The following MARK2 variants were observed in gnomAD, a reference collection of about 807,000 sequenced individuals.
The protein encoded by MARK2 is serine/threonine-protein kinase MARK2.
Under a neutral mutation model 89.8 loss-of-function variants are expected in MARK2, and 16 were observed. That is an observed-to-expected ratio of 0.18 (90% CI 0.12 to 0.27). The LOEUF (loss-of-function observed/expected upper bound fraction) is 0.27. MARK2 is among the 10% of genes least tolerant of loss of function. The pLI is 1.00. For missense variants in MARK2, 621 were observed against 1,049.9 expected (o/e 0.59, Z 5.65); for synonymous variants, 382 against 399.5 (o/e 0.96, Z 0.52).
intron 1 of MARK2, among the ~76,000 whole-genome samples, chr11:63,859,637 CTT>C (rs897753184): frequency 7.0e-6 from 1 of 142,786 alleles, no homozygotes. Flanking sequence ...TTCTATCTTT[CTT>C]TTTTTTTTTC....
In MARK2 at chr11:63,885,646, C is replaced by T. The variant is rs114419332; in HGVS notation, c.55-9513C>T. The stretch of plus-strand genomic sequence containing the variant: ...GGCCAGGTGTTCAAGACTAGCCTGG[C>T]CAAGGTGGTGAAACCCCATCTTACT... On this transcript the variant is annotated intron_variant, in intron 1 of 18. Coordinates refer to ENST00000402010, the MANE Select transcript of MARK2 (RefSeq NM_001039469.3). Among the ~76,000 whole-genome samples, 493 of 150,650 alleles carry T rather than the reference C, an allele frequency of 3.3e-3. 2 individuals carry two copies. The highest frequency in any genetic ancestry group is 0.012 in the African/African-American group (474 of 40,978).
At chr11:63,865,537 T>C (rs1209647686) in intron 1 of MARK2, among the ~76,000 whole-genome samples, 1 of 152,216 alleles carries the variant, frequency 6.6e-6, no homozygotes, top group East Asian at 1.9e-4. Flanking sequence ...TTCACTCAGG[T>C]GTTCTTTAAT....
intron 18 of MARK2, 47 bp from the exon 19 acceptor site, chr11:63,908,829 TG>T: frequency 7.2e-7 from 1 of 1,397,902 alleles, no homozygotes; most frequent in Non-Finnish European, 9.3e-7. Flanking sequence ...TCTCCTGGGG[TG>T]GGGTGCCTCA....
chr11:63,869,642 C>A (rs1450312221), intron 1 of MARK2, among the ~76,000 whole-genome samples: 1 of 152,128 alleles, frequency 6.6e-6, no homozygotes, highest in African/African-American at 2.4e-5. Context: ...CTGAGGTGTG[C>A]TACTGCTTAG....
Position 63,896,128 on chromosome 11 carries a change from T to A in MARK2, c.288+495T>A, listed in dbSNP as rs548479068. On this transcript the variant is annotated intron_variant, in intron 3 of 18. Coordinates refer to ENST00000402010, the MANE Select transcript of MARK2 (RefSeq NM_001039469.3). ...TGCTACCTTCGGGGCTTTGGTTGGA[T>A]CATCTGTGGTGACTCCTCCTGAGTG... 2.6e-5 allele frequency among the ~76,000 whole-genome samples: 4 copies of A among 152,326 alleles called. No individual in the cohort carries two copies. In the South Asian group the frequency reaches 8.3e-4, roughly 32 times the overall value.
chr11:63,896,157 T>C (rs1209761271), intron 3 of MARK2, among the ~76,000 whole-genome samples: 1 of 152,226 alleles, frequency 6.6e-6, no homozygotes, highest in Non-Finnish European at 1.5e-5. Context: ...CTGAGTGGGC[T>C]TCCTGGCCAT....
In MARK2 at chr11:63,902,885, T is replaced by C. The variant is rs1941015074; in HGVS notation, c.1416+103T>C. 8.7e-7 allele frequency: 1 copy of C among 1,145,278 alleles called. No individual in the cohort carries two copies. The highest frequency in any genetic ancestry group is 1.3e-6 in the Non-Finnish European group (1 of 780,540). The allele number at this position is 1,145,278 out of a possible 1,614,324, so 70.9% of individuals were successfully genotyped here. A position where few individuals can be genotyped will look rare whatever the true frequency, so the allele number is the denominator to read the frequency against. On this transcript the variant is annotated intron_variant, in intron 13 of 18. Coordinates refer to ENST00000402010, the MANE Select transcript of MARK2 (RefSeq NM_001039469.3). This position sits in a 1 kb window ranked among gnomAD's most constrained non-coding sequence, Gnocchi z 4.2. ...GACTCTGTTCCCTTTGGCTACTACT[T>C]CTGCTTATAGCAGGAAGCCTCGCTC...
chr11:63,854,378 G>GTTTT (rs61469139), intron 1 of MARK2, among the ~76,000 whole-genome samples: 2 of 108,806 alleles, frequency 1.8e-5, no homozygotes, highest in Non-Finnish European at 3.8e-5. Context: ...TTTTCTATTT[G>GTTTT]TTTTTTTTTT....
intron 1 of MARK2, among the ~76,000 whole-genome samples, chr11:63,890,849 T>C (rs947790814): frequency 2.0e-5 from 3 of 152,260 alleles, no homozygotes; most frequent in African/African-American, 7.2e-5. Context: ...ATTGCCACTT[T>C]ACAGATAAGG....
Position 63,902,577 on chromosome 11 carries a change from A to G in MARK2, c.1235-24A>G. On this transcript the variant is annotated intron_variant, in intron 12 of 18. Transcript: ENST00000402010. This position sits in a 1 kb window ranked among gnomAD's most constrained non-coding sequence, Gnocchi z 4.2. ...CTCAGTGGACCCCTTGGCCTTACCC[A>G]TTCCCATCCTCCCTCTGGCCCAGCA... is the stretch of plus-strand genomic sequence containing the variant. The G allele has an allele frequency of 6.2e-7, 1 of 1,608,326 alleles. No individual in the cohort carries two copies. Among genetic ancestry groups the G allele is most frequent in the African/African-American group, 1.3e-5 (1 of 74,802 alleles).
rs1023882218 is a variant in MARK2, at chr11:63,904,168, G to A, written c.1676+21G>A. The A allele has an allele frequency of 4.7e-5, 73 of 1,542,062 alleles. No homozygotes were observed. Among genetic ancestry groups the A allele is most frequent in the Non-Finnish European group, 6.2e-5 (71 of 1,150,196 alleles). On this transcript the variant is annotated intron_variant, in intron 15 of 18. Coordinates refer to ENST00000402010, the MANE Select transcript of MARK2 (RefSeq NM_001039469.3). This position sits in a 1 kb window ranked among gnomAD's most constrained non-coding sequence, Gnocchi z 6.3. ...CCCAGGCAAGTGTGCTGGGGCAGCT[G>A]GTGCACCTGCTGCCCTCAGCCCACC...
In MARK2 at chr11:63,909,280, C is replaced by T. The variant is rs772526433; in HGVS notation, c.*43C>T. 3 of 1,513,522 alleles carry T rather than the reference C, an allele frequency of 2.0e-6. No individual in the cohort carries two copies. The highest frequency in any genetic ancestry group is 2.3e-5 in the East Asian group (1 of 42,968). 93.8% of individuals were successfully genotyped at this position (1,513,522 alleles called of 1,614,324 possible). A position where few individuals can be genotyped will look rare whatever the true frequency, so the allele number is the denominator to read the frequency against. On this transcript the variant is annotated 3_prime_UTR_variant, in exon 19 of 19. Transcript: ENST00000402010. ...GGGCGGCGGGGGCGGGCCAGCTGGA[C>T]GGGCTGCCGGCCGCTGCGCCGCCCC... is the stretch of plus-strand genomic sequence containing the variant.
intron 16 of MARK2, 136 bp downstream of exon 16, chr11:63,905,179 G>T: frequency 9.9e-7 from 1 of 1,013,234 alleles, no homozygotes; most frequent in Non-Finnish European, 1.4e-6. Context: ...AGAGGCTTCA[G>T]GAAGCACAAG....
intron 1 of MARK2, among the ~76,000 whole-genome samples, chr11:63,850,392 C>A (rs2016516244): frequency 7.4e-6 from 1 of 135,526 alleles, no homozygotes; most frequent in Admixed American, 8.1e-5. Context: ...TGGTCTTGAA[C>A]TCCTGACCTC....
intron 1 of MARK2, among the ~76,000 whole-genome samples, chr11:63,884,195 G>A (rs1939263011): frequency 6.6e-6 from 1 of 152,228 alleles, no homozygotes; most frequent in Non-Finnish European, 1.5e-5. Flanking sequence ...ACCCCAGCAA[G>A]CAGATTCTCA....
At chr11:63,898,000 C>T (rs1565136965) in intron 3 of MARK2, among the ~76,000 whole-genome samples, 1 of 152,208 alleles carries the variant, frequency 6.6e-6, no homozygotes, top group Non-Finnish European at 1.5e-5. Flanking sequence ...GAGGGCATGG[C>T]TGGCTCATCC....
At position 63,903,135 on chromosome 11, in the gene MARK2, C is replaced by T; in HGVS notation, c.1491C>T (p.Ala497=). The T allele has an allele frequency of 6.2e-7, 1 of 1,613,782 alleles. No individual in the cohort carries two copies. Among genetic ancestry groups the T allele is most frequent in the South Asian group, 1.1e-5 (1 of 91,084 alleles). ...TGGAGCGGGCCAGCCTCGGCCAGGC[C>T]TCCATCCAGAATGGCAAAGACAGGT... The part of the protein sequence containing the change: ...PLLERASLGQ[A]SIQNGKDSLT... The change falls in exon 14 of 19, where the codon GCC becomes GCT. Residue 497 remains alanine (A), a synonymous_variant. Transcript: ENST00000402010. The surrounding 1 kb of genome is among the most constrained non-coding windows in gnomAD (Gnocchi z 5.1).
chr11:63,871,217 T>C (rs529074736), intron 1 of MARK2, among the ~76,000 whole-genome samples: 1 of 152,364 alleles, frequency 6.6e-6, no homozygotes, highest in East Asian at 1.9e-4. Context: ...CCTGGGTGCC[T>C]TTTGAGATGA....
At position 63,873,668 on chromosome 11, in the gene MARK2, C is replaced by T. The variant is rs148645566; in HGVS notation, c.55-21491C>T. ...TATTTTATTTTATTTTTTTCTGAGA[C>T]GGAGTCTTGCTCTGTTGCTCATGCT... On this transcript the variant is annotated intron_variant, in intron 1 of 18. Transcript: ENST00000402010. Among the ~76,000 whole-genome samples, 259 of 152,250 alleles carry T rather than the reference C, an allele frequency of 1.7e-3. 2 individuals carry two copies. The highest frequency in any genetic ancestry group is 6.0e-3 in the African/African-American group (248 of 41,540).
Sources: allele counts gnomAD v4.1 joint callset (sites outside exome capture counted in the v4.1 genomes callset), GRCh38; gene constraint gnomAD v4.1.1; non-coding constraint Gnocchi (gnomAD v3.1); transcripts MANE v1.5; gene names NCBI Gene and HGNC (gene_info 2026-07-23, HGNC 2026-07-21).